SLC5A5: variants seen among roughly 807,000 people sequenced by gnomAD.
The protein encoded by SLC5A5 is sodium/iodide cotransporter.
SLC5A5 carries 56 observed loss-of-function variants against 68.6 expected under a neutral mutation model. The observed-to-expected ratio is 0.82, with a 90% CI of 0.66 to 1.02. The LOEUF is 1.02. SLC5A5 is among the 50% of genes least tolerant of loss of function. The pLI is 0.00. For missense variants in SLC5A5, 807 were observed against 859.8 expected, an observed-to-expected ratio of 0.94 and a Z score of 0.77; for synonymous variants, 398 against 373.0, an observed-to-expected ratio of 1.07 and a Z score of -0.77.
At chr19:17,873,448 C>CCGTCCCCCCTCCCCCCCAAAAAAA (rs2094299228) in intron 1 of SLC5A5, among the ~76,000 whole-genome samples, 1 of 147,808 alleles carries the variant, frequency 6.8e-6, no homozygotes. Flanking sequence ...GAGCGAGACT[C>CCGTCCCCCCTCCCCCCCAAAAAAA]TTGTCTCAAA....
intron 14 of SLC5A5, among the ~76,000 whole-genome samples, chr19:17,891,491 C>A (rs537319868): frequency 1.3e-4 from 20 of 152,256 alleles, no homozygotes; most frequent in African/African-American, 4.1e-4. Context: ...CAGGCATGAG[C>A]CACCGAGCCC....
chr19:17,878,276 G>A (rs549669673), intron 7 of SLC5A5, among the ~76,000 whole-genome samples, 183 bp downstream of exon 7: 3 of 152,030 alleles, frequency 2.0e-5, no homozygotes, highest in Admixed American at 6.6e-5. Context: ...AGGCTGAGGC[G>A]GGTGGATCAC....
At chr19:17,875,669 T>G (rs759786725) in intron 4 of SLC5A5, among the ~76,000 whole-genome samples, 1 of 151,032 alleles carries the variant, frequency 6.6e-6, no homozygotes, top group Admixed American at 6.6e-5. Flanking sequence ...CTCCAGCTAC[T>G]CCGGAGGCTG....
intron 5 of SLC5A5, among the ~76,000 whole-genome samples, chr19:17,876,732 G>A (rs929616871): frequency 2.0e-5 from 3 of 152,042 alleles, no homozygotes; most frequent in Non-Finnish European, 4.4e-5. Flanking sequence ...CATGCTGGCA[G>A]GCGCCTGTAA....
chr19:17,880,844 C>T (rs1247149318), intron 7 of SLC5A5, 21 bp from the exon 8 acceptor site: 2 of 1,592,822 alleles, frequency 1.3e-6, no homozygotes, highest in Non-Finnish European at 1.7e-6. Context: ...GTCTGGGAGG[C>T]TGACCCCCAG....
intron 12 of SLC5A5, 107 bp from the exon 13 acceptor site, chr19:17,888,224 A>T: frequency 7.5e-7 from 1 of 1,335,972 alleles, no homozygotes; most frequent in Non-Finnish European, 1.1e-6. Context: ...GGTCTGTGCT[A>T]GGCCATGGCA....
chr19:17,878,027 C>G lies in SLC5A5; in HGVS notation c.903C>G (p.Ile301Met). Residue 301 changes from isoleucine (I) to methionine (M), a missense_variant, in exon 7 of 15, where the codon ATC (isoleucine) becomes ATG (methionine). Transcript: ENST00000222248. ...TGTCCAGCGCTGCCTGCTGTGGCAT[C>G]GTCATGTTTGTGTTCTACACTGACT... ...LIVSSAACCG[I>M]VMFVFYTDCD... 6.2e-7 allele frequency: 1 copy of G among 1,613,256 alleles called. No homozygotes were observed. The highest frequency in any genetic ancestry group is 8.5e-7 in the Non-Finnish European group (1 of 1,179,994).
At chr19:17,874,058 C>A in intron 1 of SLC5A5, 80 bp from the exon 2 acceptor site, 1 of 1,031,906 alleles carries the variant, frequency 9.7e-7, no homozygotes, top group Non-Finnish European at 1.5e-6. Flanking sequence ...AGGGGCCCAC[C>A]TAGAGAGCAG....
intron 7 of SLC5A5, 43 bp from the exon 8 acceptor site, chr19:17,880,822 C>T (rs370692201): frequency 1.2e-5 from 18 of 1,442,652 alleles, no homozygotes; most frequent in Non-Finnish European, 1.8e-5. Context: ...CCCCGGTCCT[C>T]GGGGTGCAGC....
intron 1 of SLC5A5, among the ~76,000 whole-genome samples, chr19:17,873,378 T>C (rs901959745): frequency 2.0e-5 from 3 of 151,986 alleles, no homozygotes; most frequent in Non-Finnish European, 4.4e-5. Context: ...GGAGAATTGC[T>C]TGAACCCGGG....
intron 2 of SLC5A5, 32 bp from the exon 3 acceptor site, chr19:17,874,461 TC>T: frequency 6.2e-7 from 1 of 1,611,178 alleles, no homozygotes; most frequent in Non-Finnish European, 8.5e-7. Context: ...CCAGACGCCC[TC>T]CCTGCTCACC....
At chr19:17,889,205 C>T (rs1166576697) in intron 13 of SLC5A5, among the ~76,000 whole-genome samples, 10 of 151,518 alleles carry the variant, frequency 6.6e-5, no homozygotes, top group Non-Finnish European at 1.0e-4. Flanking sequence ...AAGACCAGCC[C>T]GGCCAACATG....
At chr19:17,874,315 T>C in intron 2 of SLC5A5, 112 bp downstream of exon 2, 2 of 527,172 alleles carry the variant, frequency 3.8e-6, no homozygotes, top group South Asian at 3.1e-5. Flanking sequence ...ATGCTCCCGT[T>C]CTGACCCCGC....
At position 17,878,074 on chromosome 19, in the gene SLC5A5, G is replaced by T. The variant is rs762219076; in HGVS notation, c.950G>T (p.Arg317Leu). The T allele has an allele frequency of 6.2e-6, 10 of 1,611,828 alleles. No homozygotes were observed. Among genetic ancestry groups the T allele is most frequent in the Middle Eastern group, 1.7e-4 (1 of 6,046 alleles). The change falls in exon 7 of 15, where the codon CGC becomes CTC. Residue 317 changes from arginine to leucine, a missense_variant. By Grantham distance (102) the Arg-to-Leu change is moderately radical. Coordinates refer to ENST00000222248, the MANE Select transcript of SLC5A5 (RefSeq NM_000453.3). ...YTDCDPLLLGRISAPDQYMPL... is the reference protein window; with the variant it reads ...YTDCDPLLLGLISAPDQYMPL... ...GACTGCGACCCTCTCCTCCTGGGGC[G>T]CATCTCTGCCCCAGACCAGGTGAGT...
At chr19:17,876,691 G>A (rs189941481) in intron 5 of SLC5A5, among the ~76,000 whole-genome samples, 6 of 152,184 alleles carry the variant, frequency 3.9e-5, no homozygotes, top group African/African-American at 9.6e-5. Context: ...ATGAAAGTCC[G>A]TCTTTACTAA....
chr19:17,878,155 G>C, intron 7 of SLC5A5, 62 bp downstream of exon 7: 1 of 1,569,980 alleles, frequency 6.4e-7, no homozygotes, highest in Non-Finnish European at 8.7e-7. Flanking sequence ...TGGGATTGAG[G>C]TCGAAGAGCA....
At chr19:17,877,678 C>T (rs1286327523) in intron 5 of SLC5A5, 45 bp from the exon 6 acceptor site, 2 of 1,612,124 alleles carry the variant, frequency 1.2e-6, no homozygotes, top group Non-Finnish European at 1.7e-6. Flanking sequence ...AGGGTGAAGT[C>T]AGCGTGACAT....
At chr19:17,882,110 G>GT in intron 9 of SLC5A5, 38 bp downstream of exon 9, 1 of 1,609,002 alleles carries the variant, frequency 6.2e-7, no homozygotes. Context: ...GGCCAGGGCA[G>GT]TCCCTCCCCG....
intron 10 of SLC5A5, 80 bp downstream of exon 10, chr19:17,882,299 A>C: frequency 2.0e-5 from 23 of 1,155,718 alleles, no homozygotes; most frequent in Non-Finnish European, 2.7e-5. Context: ...ACTGAGGCTC[A>C]GAGAGGTCAC....
Sources: allele counts gnomAD v4.1 joint callset (sites outside exome capture counted in the v4.1 genomes callset), GRCh38; gene constraint gnomAD v4.1.1; transcripts MANE v1.5; gene names NCBI Gene and HGNC (gene_info 2026-07-23, HGNC 2026-07-21).